The following KAT2B variants were observed in gnomAD, a reference collection of about 807,000 sequenced individuals.
KAT2B encodes the protein histone acetyltransferase KAT2B.
In KAT2B, 36 loss-of-function variants were observed where a neutral mutation model predicts 105.9. The observed-to-expected ratio is 0.34, with a 90% CI of 0.26 to 0.45. KAT2B has a LOEUF of 0.45. KAT2B is among the 20% of genes least tolerant of loss of function. The pLI, the probability that KAT2B is intolerant of heterozygous loss-of-function variation, is 1.00. For synonymous variants in KAT2B, 397 were observed against 377.9 expected (o/e 1.05, Z -0.59); for missense variants, 820 against 1,021.6 (o/e 0.80, Z 2.69).
At chr3:20,051,224 A>T (rs1284855677) in intron 1 of KAT2B, among the ~76,000 whole-genome samples, 1 of 151,364 alleles carries the variant, frequency 6.6e-6, no homozygotes, top group Non-Finnish European at 1.5e-5. Context: ...ACCCAAACAA[A>T]AAAAACAAAT....
At chr3:20,128,303 A>G (rs1699446960) in intron 11 of KAT2B, among the ~76,000 whole-genome samples, 1 of 152,218 alleles carries the variant, frequency 6.6e-6, no homozygotes, top group South Asian at 2.1e-4. Flanking sequence ...GTGGATTAGA[A>G]AGATGATTTA....
chr3:20,114,804 T>G, intron 6 of KAT2B, 78 bp from the exon 7 acceptor site: 1 of 746,184 alleles, frequency 1.3e-6, no homozygotes, highest in Non-Finnish European at 2.3e-6. Flanking sequence ...GATGTTAAGG[T>G]GATTGTCACA....
At chr3:20,063,509 CTCACAGCAACTTCTGAG>C (rs1339540656) in intron 1 of KAT2B, among the ~76,000 whole-genome samples, 113 of 146,174 alleles carry the variant, frequency 7.7e-4, no homozygotes, top group African/African-American at 2.7e-3. Context: ...GCGATCTCAC[CTCACAGCAACTTCTGAG>C]TAGGCCTCTT....
chr3:20,040,896 T>TCCTGCCTCTC, intron 1 of KAT2B, 116 bp downstream of exon 1: 1 of 1,259,294 alleles, frequency 7.9e-7, no homozygotes, highest in Non-Finnish European at 1.0e-6. Context: ...GCCTCCCGCC[T>TCCTGCCTCTC]GGGGCCGCTG....
intron 11 of KAT2B, among the ~76,000 whole-genome samples, chr3:20,130,871 G>A: frequency 6.6e-6 from 1 of 151,386 alleles, no homozygotes. Flanking sequence ...GTGTGTGTGT[G>A]CGTGCATGTG....
At chr3:20,053,779 CTTAT>C (rs1340506798) in intron 1 of KAT2B, among the ~76,000 whole-genome samples, 1 of 151,918 alleles carries the variant, frequency 6.6e-6, no homozygotes, top group Non-Finnish European at 1.5e-5. Context: ...ACCATTTAGG[CTTAT>C]TTTTTATTTA....
chr3:20,079,858 G>C (rs908532880), intron 2 of KAT2B, among the ~76,000 whole-genome samples: 1 of 152,148 alleles, frequency 6.6e-6, no homozygotes, highest in African/African-American at 2.4e-5. Context: ...TTCAGATGCC[G>C]GTTTCAGAGT....
intron 3 of KAT2B, among the ~76,000 whole-genome samples, chr3:20,095,748 G>C (rs1698797358): frequency 6.6e-6 from 1 of 152,204 alleles, no homozygotes; most frequent in Non-Finnish European, 1.5e-5. Context: ...ACAAAACAGA[G>C]TTCTTCCCCT....
rs775120277 is a variant in KAT2B at position 20,136,924 on chromosome 3, A to G, written c.1750-18A>G. 10 of 1,393,358 alleles carry G rather than the reference A, an allele frequency of 7.2e-6. No homozygotes were observed. The South Asian group carries it at 1.1e-4, about 15-fold the overall frequency. The allele number at this position is 1,393,358 out of a possible 1,614,324, so 86.3% of individuals were successfully genotyped here. A position where few individuals can be genotyped will look rare whatever the true frequency, so the allele number is the denominator to read the frequency against. ...TCCCCAGTCTAATGTATTTGTTTGT[A>G]TACTAACTTCCACACAGGGCTATGG... On this transcript the variant is annotated intron_variant, in intron 11 of 17. Transcript: ENST00000263754.
chr3:20,111,109 C>T (rs905734206), intron 5 of KAT2B, among the ~76,000 whole-genome samples: 1 of 152,212 alleles, frequency 6.6e-6, no homozygotes, highest in Non-Finnish European at 1.5e-5. Context: ...GGGTCTTCCT[C>T]AGCTTCTCCT....
intron 1 of KAT2B, among the ~76,000 whole-genome samples, chr3:20,048,612 A>T (rs1428283128): frequency 6.6e-6 from 1 of 152,180 alleles, no homozygotes. Flanking sequence ...TGCTTCTCAG[A>T]TGAATACTCC....
chr3:20,123,383 G>T lies in KAT2B; in HGVS notation c.1413+579G>T, dbSNP rs185461242. 1.3e-3 allele frequency among the ~76,000 whole-genome samples: 198 copies of T among 152,148 alleles called. 1 individual carries two copies. The highest frequency in any genetic ancestry group is 4.4e-3 in the African/African-American group (184 of 41,516). ...CTGGTTACAATATTTTCTAATACAG[G>T]GTTGGTGAATTACAGCCTGCAAGCC... On this transcript the variant is annotated intron_variant, in intron 9 of 17. Coordinates refer to ENST00000263754, the MANE Select transcript of KAT2B (RefSeq NM_003884.5).
chr3:20,048,018 A>G (rs545429922), intron 1 of KAT2B, among the ~76,000 whole-genome samples: 2 of 152,350 alleles, frequency 1.3e-5, no homozygotes, highest in South Asian at 2.1e-4. Context: ...CAGATAGGCA[A>G]TATTGTCACA....
At chr3:20,075,349 G>C (rs892679293) in intron 2 of KAT2B, among the ~76,000 whole-genome samples, 3 of 151,888 alleles carry the variant, frequency 2.0e-5, no homozygotes, top group Non-Finnish European at 2.9e-5. Context: ...CAGATGTGTG[G>C]GTTTTTTTTT....
At chr3:20,127,922 G>A (rs1225432500) in intron 11 of KAT2B, among the ~76,000 whole-genome samples, 3 of 152,206 alleles carry the variant, frequency 2.0e-5, no homozygotes, top group Non-Finnish European at 4.4e-5. Flanking sequence ...CTGACAGGAG[G>A]CAGAGCTCAG....
intron 1 of KAT2B, among the ~76,000 whole-genome samples, chr3:20,055,987 G>A (rs533700152): frequency 2.0e-5 from 3 of 152,284 alleles, no homozygotes; most frequent in Non-Finnish European, 4.4e-5. Flanking sequence ...TTATTGCTGA[G>A]GAGTATTCTG....
chr3:20,087,747 C>T (rs557578915), intron 2 of KAT2B, among the ~76,000 whole-genome samples: 1 of 152,238 alleles, frequency 6.6e-6, no homozygotes, highest in African/African-American at 2.4e-5. Context: ...CAAATAAGAT[C>T]ATGCAGTATT....
chr3:20,074,091 T>C (rs1698376411), intron 2 of KAT2B, among the ~76,000 whole-genome samples: 3 of 147,378 alleles, frequency 2.0e-5, no homozygotes, highest in Admixed American at 6.7e-5. Flanking sequence ...GAATGAAGAA[T>C]GAAAAAAAAA....
chr3:20,079,760 G>C (rs1022911576), intron 2 of KAT2B, among the ~76,000 whole-genome samples: 9 of 152,158 alleles, frequency 5.9e-5, no homozygotes, highest in African/African-American at 2.2e-4. Context: ...ACGTAAACAT[G>C]GGGCCCAGCT....
Sources: allele counts gnomAD v4.1 joint callset (sites outside exome capture counted in the v4.1 genomes callset), GRCh38; gene constraint gnomAD v4.1.1; transcripts MANE v1.5; gene names NCBI Gene and HGNC (gene_info 2026-07-23, HGNC 2026-07-21).